The following CDH18 variants were observed in gnomAD, a reference collection of about 807,000 sequenced individuals.
CDH18 encodes the protein cadherin-18.
CDH18 carries 31 observed loss-of-function variants against 67.9 expected under a neutral mutation model. The observed-to-expected ratio is 0.46, with a 90% CI of 0.34 to 0.62. CDH18 has a LOEUF of 0.62. Among genes scored for constraint, CDH18 ranks in the 20% least tolerant of loss-of-function variants. The pLI is 0.01. For synonymous variants in CDH18, 362 were observed against 347.2 expected (o/e 1.04, Z -0.48); for missense variants, 890 against 975.5 (o/e 0.91, Z 1.17).
rs570686310 is a variant in CDH18, at chr5:19,878,405, A to T, written c.-256-39163T>A. Among the ~76,000 whole-genome samples the T allele has an allele frequency of 1.2e-4, 18 of 152,200 alleles. No homozygotes were observed. The South Asian group carries it at 3.5e-3, about 30-fold the overall frequency. On this transcript the variant is annotated intron_variant, in intron 2 of 12. Coordinates refer to ENST00000382275, the MANE Select transcript of CDH18 (RefSeq NM_004934.5). Reference sequence around the variant, plus strand: ...GTCAGAATACAAACATACGGCACACAAACAATTGTTAGGAACTTAGGCAAT... The same window carrying T: ...GTCAGAATACAAACATACGGCACACTAACAATTGTTAGGAACTTAGGCAAT...
intron 1 of CDH18, among the ~76,000 whole-genome samples, chr5:20,308,167 G>A (rs1379768064): frequency 2.0e-5 from 3 of 148,274 alleles, no homozygotes; most frequent in Non-Finnish European, 4.4e-5. Context: ...AAATTGCAAC[G>A]GGTGGAAAGT....
chr5:20,171,799 T>C (rs1736737625), intron 2 of CDH18, among the ~76,000 whole-genome samples: 1 of 152,004 alleles, frequency 6.6e-6, no homozygotes, highest in Non-Finnish European at 1.5e-5. Context: ...CACATTCCTA[T>C]GTCCAGAATG....
chr5:19,783,406 C>A (rs757590855), intron 3 of CDH18, among the ~76,000 whole-genome samples: 2 of 152,132 alleles, frequency 1.3e-5, no homozygotes, highest in Admixed American at 6.6e-5. Context: ...ATTTATAAAA[C>A]TCATATATTT....
chr5:19,755,458 T>TATATATATATATAG (rs1290776275), intron 3 of CDH18, among the ~76,000 whole-genome samples: 1 of 9,452 alleles, frequency 1.1e-4, no homozygotes, highest in Non-Finnish European at 8.1e-4. Flanking sequence ...TATATATATA[T>TATATATATATATAG]ACACACACAC....
chr5:20,564,974 T>C (rs544517591), intron 1 of CDH18, among the ~76,000 whole-genome samples: 2 of 152,344 alleles, frequency 1.3e-5, no homozygotes, highest in African/African-American at 4.8e-5. Context: ...GATCACAGTA[T>C]ATTTTGGGTC....
chr5:20,419,747 G>A (rs970135222), intron 1 of CDH18, among the ~76,000 whole-genome samples: 1 of 150,832 alleles, frequency 6.6e-6, no homozygotes, highest in African/African-American at 2.5e-5. Flanking sequence ...AAAGTTCTGG[G>A]ATTACAGGCG....
intron 1 of CDH18, among the ~76,000 whole-genome samples, chr5:20,275,156 T>C (rs969518959): frequency 6.6e-6 from 1 of 152,170 alleles, no homozygotes; most frequent in Non-Finnish European, 1.5e-5. Flanking sequence ...ATCCACTTGA[T>C]ATGATTCGGC....
intron 3 of CDH18, among the ~76,000 whole-genome samples, chr5:19,758,729 T>C (rs897639057): frequency 6.6e-6 from 1 of 152,220 alleles, no homozygotes; most frequent in Non-Finnish European, 1.5e-5. Flanking sequence ...AGGGATATCT[T>C]GACAGGCCCC....
At chr5:20,445,951 T>C (rs919402977) in intron 1 of CDH18, among the ~76,000 whole-genome samples, 1 of 152,038 alleles carries the variant, frequency 6.6e-6, no homozygotes, top group Non-Finnish European at 1.5e-5. Flanking sequence ...GGTGCTTTTA[T>C]GGGGCTTGGT....
At chr5:19,621,415 A>G (rs1465830164) in intron 5 of CDH18, among the ~76,000 whole-genome samples, 1 of 152,042 alleles carries the variant, frequency 6.6e-6, no homozygotes. Context: ...GTTTGGATTT[A>G]TATTCTTCTG....
At chr5:20,197,809 A>T (rs1340078692) in intron 2 of CDH18, among the ~76,000 whole-genome samples, 2 of 152,228 alleles carry the variant, frequency 1.3e-5, no homozygotes, top group African/African-American at 4.8e-5. Flanking sequence ...CAGAATGACT[A>T]GAATTACAGG....
chr5:20,427,392 G>A (rs1748384426), intron 1 of CDH18, among the ~76,000 whole-genome samples: 1 of 151,038 alleles, frequency 6.6e-6, no homozygotes, highest in South Asian at 2.1e-4. Context: ...ATCTTAAAAG[G>A]CTTATTTTAC....
chr5:19,968,350 T>C (rs1454354029), intron 2 of CDH18, among the ~76,000 whole-genome samples: 1 of 151,994 alleles, frequency 6.6e-6, no homozygotes, highest in East Asian at 1.9e-4. Flanking sequence ...TACTTTAAAG[T>C]TCATATGGAA....
At chr5:20,214,287 C>G (rs894420513) in intron 2 of CDH18, among the ~76,000 whole-genome samples, 1 of 151,960 alleles carries the variant, frequency 6.6e-6, no homozygotes, top group Non-Finnish European at 1.5e-5. Flanking sequence ...TTTATAGATT[C>G]AGTACTGGTT....
intron 5 of CDH18, among the ~76,000 whole-genome samples, chr5:19,628,746 G>A (rs1236021974): frequency 1.3e-5 from 2 of 151,968 alleles, no homozygotes; most frequent in South Asian, 2.1e-4. Flanking sequence ...GTTTTTAGAG[G>A]AGCAAGCTAA....
At chr5:20,249,720 A>G (rs1163179959) in intron 2 of CDH18, among the ~76,000 whole-genome samples, 2 of 152,216 alleles carry the variant, frequency 1.3e-5, no homozygotes, top group African/African-American at 4.8e-5. Context: ...CGCTAAAAAA[A>G]TTAACAAGCA....
chr5:20,569,180 T>C (rs1312020742), intron 1 of CDH18, among the ~76,000 whole-genome samples: 1 of 152,136 alleles, frequency 6.6e-6, no homozygotes, highest in African/African-American at 2.4e-5. Flanking sequence ...TATTAGAACA[T>C]GAGACTGTTT....
chr5:19,490,403 T>G lies in CDH18; in HGVS notation c.1631-6851A>C, dbSNP rs1309008604. On this transcript the variant is annotated intron_variant, in intron 11 of 12. Coordinates refer to ENST00000382275, the MANE Select transcript of CDH18 (RefSeq NM_004934.5). ...ACATATATAAAAATCTGTTTTTTTTTTTTTTTTTTTTTTTTTTTTTTTGAG... is the reference window on the plus strand; with the variant it reads ...ACATATATAAAAATCTGTTTTTTTTGTTTTTTTTTTTTTTTTTTTTTTGAG... Among the ~76,000 whole-genome samples the G allele has an allele frequency of 4.6e-3, 537 of 115,898 alleles. 38 individuals are homozygous for G. The highest frequency in any genetic ancestry group is 0.012 in the African/African-American group (369 of 29,782). The allele number at this position is 115,898 out of a possible 152,430, so 76.0% of individuals were successfully genotyped here.
intron 1 of CDH18, among the ~76,000 whole-genome samples, chr5:20,436,826 A>T (rs940472577): frequency 1.3e-5 from 2 of 151,356 alleles, no homozygotes; most frequent in African/African-American, 4.8e-5. Context: ...AAAAAAAAAA[A>T]ATTCCCAAAA....
Sources: allele counts gnomAD v4.1 joint callset (sites outside exome capture counted in the v4.1 genomes callset), GRCh38; gene constraint gnomAD v4.1.1; transcripts MANE v1.5; gene names NCBI Gene and HGNC (gene_info 2026-07-23, HGNC 2026-07-21).